Variants in LARGE1 observed in about 807,000 individuals in gnomAD.
The protein encoded by LARGE1 is LARGE xylosyl- and glucuronyltransferase 1, also known as xylosyl- and glucuronyltransferase LARGE1.
Under a neutral mutation model 87.6 loss-of-function variants are expected in LARGE1, and 43 were observed. That is an observed-to-expected ratio of 0.49 (90% CI 0.38 to 0.63). LARGE1 has a LOEUF of 0.63. Among genes scored for constraint, LARGE1 ranks in the 30% least tolerant of loss-of-function variants. The pLI is 0.00. For synonymous variants in LARGE1, 434 were observed against 394.6 expected, an observed-to-expected ratio of 1.10 and a Z score of -1.18; for missense variants, 802 against 1,000.2, an observed-to-expected ratio of 0.80 and a Z score of 2.67.
At chr22:33,756,989 A>T (rs10483174) in intron 2 of LARGE1, among the ~76,000 whole-genome samples, 6,556 of 152,248 alleles carry the variant, frequency 0.043, 155 homozygotes, top group Middle Eastern at 0.082. Flanking sequence ...GCTGACTGAG[A>T]TGTTAGAGAA....
At chr22:33,887,056 G>A (rs994230145) in intron 1 of LARGE1, among the ~76,000 whole-genome samples, 2 of 152,212 alleles carry the variant, frequency 1.3e-5, no homozygotes, top group Non-Finnish European at 2.9e-5. Flanking sequence ...GGTCAGAGCA[G>A]GGGTTATCGA....
intron 1 of LARGE1, among the ~76,000 whole-genome samples, chr22:33,842,953 CAAAAA>C (rs1319158719): frequency 1.6e-4 from 18 of 109,614 alleles, no homozygotes; most frequent in African/African-American, 4.8e-4. Context: ...CAAAACAAAA[CAAAAA>C]AACCACAACA....
intron 1 of LARGE1, among the ~76,000 whole-genome samples, chr22:33,857,487 C>A (rs1208957648): frequency 6.6e-6 from 1 of 152,224 alleles, no homozygotes; most frequent in Non-Finnish European, 1.5e-5. Context: ...AGGACACATA[C>A]TAACAAAACA....
chr22:33,524,894 T>C (rs762768560), intron 6 of LARGE1, among the ~76,000 whole-genome samples: 1 of 152,214 alleles, frequency 6.6e-6, no homozygotes, highest in Non-Finnish European at 1.5e-5. Flanking sequence ...AATCTCCAGA[T>C]GGCAAAAGTA....
rs1927120898 is a variant in LARGE1 at position 33,253,760 on chromosome 22, G to C, written c.1730+50469C>G. The stretch of plus-strand genomic sequence containing the variant: ...CACTCTAGAGTAGTATCTGAGGATG[G>C]GGCTGCACCTCGGAGGGGAAGGCTG... On this transcript the variant is annotated intron_variant, in intron 11 of 11. Transcript: ENST00000608642. Among the ~76,000 whole-genome samples the C allele has an allele frequency of 2.0e-5, 3 of 152,100 alleles. No homozygotes were observed. The South Asian group carries it at 6.2e-4, about 31-fold the overall frequency.
intron 5 of LARGE1, among the ~76,000 whole-genome samples, chr22:33,598,665 T>C (rs1475315000): frequency 1.3e-5 from 2 of 152,138 alleles, no homozygotes; most frequent in African/African-American, 4.8e-5. Context: ...AGAATGATGG[T>C]TTCCAGCTTC....
intron 2 of LARGE1, among the ~76,000 whole-genome samples, chr22:33,744,826 G>A (rs2084019758): frequency 6.6e-6 from 1 of 152,212 alleles, no homozygotes; most frequent in East Asian, 1.9e-4. Context: ...TGTATATATG[G>A]TGGGTGAGAA....
At position 33,689,368 on chromosome 22, in the gene LARGE1, G is replaced by A. The variant is rs754523360; in HGVS notation, c.107-38700C>T. 5.9e-5 allele frequency among the ~76,000 whole-genome samples: 9 copies of A among 152,198 alleles called. 1 individual carries two copies. The highest frequency in any genetic ancestry group is 4.1e-4 in the South Asian group (2 of 4,834). On this transcript the variant is annotated intron_variant, in intron 2 of 14. Transcript: ENST00000397394. ...GAATGCCCAGGAAGCCGCATTCAGCGCACTTCCAGGGCTTGGTTTGGCCAA... is the reference window on the plus strand; with the variant it reads ...GAATGCCCAGGAAGCCGCATTCAGCACACTTCCAGGGCTTGGTTTGGCCAA...
At chr22:33,672,425 G>A (rs2081443974) in intron 2 of LARGE1, among the ~76,000 whole-genome samples, 2 of 152,318 alleles carry the variant, frequency 1.3e-5, no homozygotes, top group South Asian at 4.1e-4. Flanking sequence ...GGGAAGAGGA[G>A]TGACATCTGA....
chr22:33,490,649 GA>G (rs1426243939), intron 6 of LARGE1, among the ~76,000 whole-genome samples: 1 of 152,184 alleles, frequency 6.6e-6, no homozygotes, highest in East Asian at 1.9e-4. Flanking sequence ...TAGTACCTGG[GA>G]ATCCCATACA....
At chr22:33,809,229 G>A (rs1601668061) in intron 1 of LARGE1, among the ~76,000 whole-genome samples, 1 of 150,346 alleles carries the variant, frequency 6.7e-6, no homozygotes, top group Non-Finnish European at 1.5e-5. Flanking sequence ...CCGAGATTGC[G>A]CCACTGCACA....
intron 9 of LARGE1, among the ~76,000 whole-genome samples, chr22:33,375,090 C>T (rs560032938): frequency 1.6e-4 from 25 of 152,112 alleles, no homozygotes; most frequent in Non-Finnish European, 2.4e-4. Context: ...TAATCAAGCT[C>T]AAGCAGAACA....
intron 11 of LARGE1, among the ~76,000 whole-genome samples, chr22:33,194,786 G>A (rs936009042): frequency 1.3e-5 from 2 of 152,096 alleles, no homozygotes; most frequent in African/African-American, 2.4e-5. Flanking sequence ...TTCCAACTGC[G>A]TAATCTTACA....
the LARGE1 span, among the ~76,000 whole-genome samples, chr22:33,083,656 G>A: frequency 6.6e-6 from 1 of 152,138 alleles, no homozygotes; most frequent in African/African-American, 2.4e-5. Context: ...GAGATTTAAG[G>A]CTAAATTAAT....
intron 7 of LARGE1, among the ~76,000 whole-genome samples, chr22:33,390,168 G>GA (rs2065467420): frequency 6.6e-6 from 1 of 152,280 alleles, no homozygotes; most frequent in East Asian, 1.9e-4. Context: ...ATTCCAGAAC[G>GA]TTTACTAAAT....
At chr22:33,799,014 A>T (rs147090628) in intron 1 of LARGE1, among the ~76,000 whole-genome samples, 164 of 152,216 alleles carry the variant, frequency 1.1e-3, no homozygotes, top group African/African-American at 3.8e-3. Context: ...TACAGTATTC[A>T]ATTTGAGCTT....
At chr22:33,915,042 C>CAGAG (rs57289711) in intron 1 of LARGE1, among the ~76,000 whole-genome samples, 10,958 of 136,844 alleles carry the variant, frequency 0.08, 900 homozygotes, top group East Asian at 0.33. Context: ...CACACACACA[C>CAGAG]AGAGAGAGAG....
intron 2 of LARGE1, among the ~76,000 whole-genome samples, chr22:33,699,003 C>T (rs1044961331): frequency 1.3e-5 from 2 of 152,264 alleles, no homozygotes; most frequent in South Asian, 2.1e-4. Context: ...CAAGAGTGAA[C>T]GAATGCCTGC....
intron 7 of LARGE1, among the ~76,000 whole-genome samples, chr22:33,418,768 A>G (rs1248376687): frequency 3.3e-5 from 5 of 152,140 alleles, no homozygotes; most frequent in Non-Finnish European, 7.3e-5. Flanking sequence ...AACTGGACAA[A>G]GCCAGCCCAG....
Sources: gnomAD v4.1 joint callset for allele counts (sites outside exome capture counted in the v4.1 genomes callset) on GRCh38, gnomAD v4.1.1 for gene constraint, MANE v1.5 for transcripts, NCBI Gene and HGNC (gene_info 2026-07-23, HGNC 2026-07-21) for gene names.